ARAP3: variants seen among roughly 807,000 people sequenced by gnomAD.
ARAP3 encodes arf-GAP with Rho-GAP domain, ANK repeat and PH domain-containing protein 3.
In ARAP3, 82 loss-of-function variants were observed where a neutral mutation model predicts 169.2. The observed-to-expected ratio is 0.48, with a 90% CI of 0.41 to 0.58. The LOEUF is 0.58. ARAP3 is among the 20% of genes least tolerant of loss of function. The pLI, the probability that ARAP3 is intolerant of heterozygous loss-of-function variation, is 0.00. For missense variants in ARAP3, 1,764 were observed against 2,018.0 expected (o/e 0.87, Z 2.41); for synonymous variants, 791 against 800.3 (o/e 0.99, Z 0.20).
chr5:141,673,502 G>C, intron 5 of ARAP3, 32 bp from the exon 6 acceptor site: 1 of 1,614,150 alleles, frequency 6.2e-7, no homozygotes, highest in Non-Finnish European at 8.5e-7. Context: ...ATCAGTGTTT[G>C]AGGTTGCATG....
intron 17 of ARAP3, among the ~76,000 whole-genome samples, chr5:141,665,807 G>C (rs964957149): frequency 1.3e-5 from 2 of 151,972 alleles, no homozygotes; most frequent in African/African-American, 4.8e-5. Context: ...AAGGTGGGTG[G>C]ATCACCTGAG....
chr5:141,662,515 C>A (rs2099910092), intron 19 of ARAP3, among the ~76,000 whole-genome samples: 1 of 152,220 alleles, frequency 6.6e-6, no homozygotes, highest in African/African-American at 2.4e-5. Flanking sequence ...TTAAATAGCA[C>A]TCTCTGAAAT....
chr5:141,662,333 T>A lies in ARAP3; in HGVS notation c.2801-78A>T, dbSNP rs148649025. 4,534 of 1,371,248 alleles carry A rather than the reference T, an allele frequency of 3.3e-3. 14 individuals carry two copies. Among genetic ancestry groups the A allele is most frequent in the Non-Finnish European group, 4.2e-3 (4,106 of 972,544 alleles). The allele number at this position is 1,371,248 out of a possible 1,614,324, so 84.9% of individuals were successfully genotyped here. On this transcript the variant is annotated intron_variant, in intron 19 of 32. Transcript: ENST00000239440. ...CACCACGGCCCATCTGTGGCCTCCC[T>A]ATGTGGTATGTGGCTGATGGGGGCA...
At chr5:141,680,551 C>G (rs1165866617) in intron 1 of ARAP3, 48 bp from the exon 2 acceptor site, 7 of 1,513,688 alleles carry the variant, frequency 4.6e-6, no homozygotes, top group Middle Eastern at 1.9e-4. Flanking sequence ...GAGAATCCCC[C>G]TCTCTGCCCC....
rs2099912778 is a variant in ARAP3 at position 141,680,206 on chromosome 5, G to T, written c.281C>A (p.Pro94His). The change falls in exon 2 of 33, where the codon CCC (proline) becomes CAC (histidine). Residue 94 changes from proline to histidine, a missense_variant. Pro to His is a moderately conservative substitution (Grantham distance 77). Transcript: ENST00000239440. ...SPAPQAQPPKPVPKPRTVFGG... is the reference protein window; with the variant it reads ...SPAPQAQPPKHVPKPRTVFGG... Reference sequence around the variant, plus strand: ...AAACACGGTCCTGGGCTTCGGCACGGGCTTAGGGGGCTGGGCTTGCGGGGC... The same window carrying T: ...AAACACGGTCCTGGGCTTCGGCACGTGCTTAGGGGGCTGGGCTTGCGGGGC... 3 of 1,612,834 alleles carry T rather than the reference G, an allele frequency of 1.9e-6. No individual in the cohort carries two copies. The South Asian group carries it at 3.3e-5, about 18-fold the overall frequency.
chr5:141,656,926 TC>T, intron 25 of ARAP3, 80 bp from the exon 26 acceptor site: 1 of 1,504,196 alleles, frequency 6.6e-7, no homozygotes, highest in Non-Finnish European at 9.0e-7. Flanking sequence ...CATTCATTCA[TC>T]CATTCAACTA....
chr5:141,666,403 C>A (rs780066176), intron 17 of ARAP3, 21 bp downstream of exon 17: 3 of 1,510,914 alleles, frequency 2.0e-6, no homozygotes, highest in Non-Finnish European at 2.7e-6. Flanking sequence ...CATCCCTGTC[C>A]CCCCAAACCT....
At chr5:141,661,869 C>G in intron 20 of ARAP3, 80 bp from the exon 21 acceptor site, 2 of 1,509,430 alleles carry the variant, frequency 1.3e-6, no homozygotes, top group Non-Finnish European at 1.8e-6. Context: ...GATTTTTAGG[C>G]ACAAATGCAG....
chr5:141,666,788 C>A, intron 16 of ARAP3, 145 bp from the exon 17 acceptor site: 1 of 439,946 alleles, frequency 2.3e-6, no homozygotes, highest in Non-Finnish European at 4.0e-6. Flanking sequence ...AAAAGGGATG[C>A]GAGAGAGCAG....
In ARAP3 at chr5:141,672,391, AC is replaced by A; in HGVS notation, c.1386-91del. 6.4e-7 allele frequency: 1 copy of A among 1,554,882 alleles called. No homozygotes were observed. Among genetic ancestry groups the A allele is most frequent in the Non-Finnish European group, 8.8e-7 (1 of 1,137,910 alleles). ...TCCTGCAGGAGCCACCACAGGCCAC[AC>A]CTGGGGCAGCCCAGACCCTTCTGAC... On this transcript the variant is annotated intron_variant, in intron 9 of 32. Transcript: ENST00000239440. This position sits in a 1 kb window ranked among gnomAD's most constrained non-coding sequence, Gnocchi z 4.9.
intron 4 of ARAP3, among the ~76,000 whole-genome samples, chr5:141,679,239 A>G (rs953542601): frequency 7.9e-5 from 12 of 152,200 alleles, no homozygotes; most frequent in Non-Finnish European, 1.5e-4. Flanking sequence ...CAGTGAGCCG[A>G]GATTGTGCCA....
rs2099911532 is a variant in ARAP3 at position 141,672,124 on chromosome 5, C to T, written c.1563G>A (p.Val521=). 6.2e-7 allele frequency: 1 copy of T among 1,614,152 alleles called. No homozygotes were observed. The highest frequency in any genetic ancestry group is 8.5e-7 in the Non-Finnish European group (1 of 1,180,022). Residue 521 remains valine, a synonymous_variant, in exon 10 of 33, where the codon GTG becomes GTA. Coordinates refer to ENST00000239440, the MANE Select transcript of ARAP3 (RefSeq NM_022481.6). The surrounding 1 kb of genome is among the most constrained non-coding windows in gnomAD (Gnocchi z 4.9). ...RPDWAAVNLG[V]VICKQCAGQH... ...CACCTGCACACTGCTTGCAGATGACCACCCCCAAATTGACAGCAGCCCAAT... is the reference window on the plus strand; with the variant it reads ...CACCTGCACACTGCTTGCAGATGACTACCCCCAAATTGACAGCAGCCCAAT...
chr5:141,655,256 A>C (rs898332209), intron 32 of ARAP3, 106 bp downstream of exon 32: 3 of 1,149,068 alleles, frequency 2.6e-6, no homozygotes, highest in African/African-American at 1.6e-5. Context: ...ACACACACAC[A>C]CACCCCCTGA....
In ARAP3 at chr5:141,680,254, G is replaced by A. The variant is rs773442812; in HGVS notation, c.233C>T (p.Ala78Val). ...GGCTGGGCTGGGGGATGGTTCCATG[G>A]CACTATCTGATTTGGGATCCAGGGA... The part of the protein sequence containing the change: ...EGSLDPKSDS[A>V]MEPSPSPAPQ... The change falls in exon 2 of 33, where the codon GCC becomes GTC. Residue 78 changes from alanine to valine, a missense_variant. Ala to Val is a moderately conservative substitution (Grantham distance 64). This residue lies in a region of ARAP3 where 630 missense variants were observed against 678.7 expected (regional missense o/e 0.93). Coordinates refer to ENST00000239440, the MANE Select transcript of ARAP3 (RefSeq NM_022481.6). 9 of 1,614,050 alleles carry A rather than the reference G, an allele frequency of 5.6e-6. No homozygotes were observed. The highest frequency in any genetic ancestry group is 2.7e-5 in the African/African-American group (2 of 74,924).
In ARAP3 at chr5:141,672,264, C is replaced by T. The variant is rs1380569091; in HGVS notation, c.1423G>A (p.Ala475Thr). ...AESGGARQSW[A>T]AALQEAVTET... ...GTTACTGCTTCCTGCAGAGCGGCCGCCCAGCTCTGCCGAGCACCCCCAGAC... is the reference window on the plus strand; with the variant it reads ...GTTACTGCTTCCTGCAGAGCGGCCGTCCAGCTCTGCCGAGCACCCCCAGAC... The change falls in exon 10 of 33, where the codon GCG (alanine) becomes ACG (threonine). Residue 475 changes from alanine (A) to threonine (T), a missense_variant. Around this residue, in one of 3 missense-constraint regions of ARAP3, gnomAD observed 630 missense variants for 678.7 expected, o/e 0.93. Transcript: ENST00000239440. This position sits in a 1 kb window ranked among gnomAD's most constrained non-coding sequence, Gnocchi z 4.9. 2 of 1,614,212 alleles carry T rather than the reference C, an allele frequency of 1.2e-6. No individual in the cohort carries two copies. Among genetic ancestry groups the T allele is most frequent in the Non-Finnish European group, 8.5e-7 (1 of 1,180,036 alleles).
At chr5:141,666,724 G>A in intron 16 of ARAP3, 81 bp from the exon 17 acceptor site, 1 of 687,528 alleles carries the variant, frequency 1.5e-6, no homozygotes, top group Non-Finnish European at 2.1e-6. Context: ...GAGTGACCGG[G>A]GTAGCGAAAA....
Position 141,666,543 on chromosome 5 carries a change from C to T in ARAP3, c.2453G>A (p.Gly818Asp), listed in dbSNP as rs780927427. Residue 818 changes from glycine to aspartate, a missense_variant, in exon 17 of 33, where the codon GGT becomes GAT. This residue lies in a region of ARAP3 where 1,112 missense variants were observed against 1,285.7 expected (regional missense o/e 0.86). Transcript: ENST00000239440. ...RSPSHTAPAP[G>D]LWLSGFGLLR... ...GAGGCCAAACCCTGACAGCCAGAGA[C>T]CAGGGGCCGGGGCTGTATGGGAGGG... 1.5e-5 allele frequency: 24 copies of T among 1,595,108 alleles called. No homozygotes were observed. In the South Asian group the frequency reaches 2.7e-4, roughly 18 times the overall value.
At chr5:141,654,484 G>A (rs1371050603) in intron 32 of ARAP3, 49 bp from the exon 33 acceptor site, 5 of 1,512,200 alleles carry the variant, frequency 3.3e-6, no homozygotes, top group Non-Finnish European at 4.4e-6. Context: ...AAAGTTACCA[G>A]ATTATGAATC....
rs766312583 is a variant in ARAP3 at position 141,658,672 on chromosome 5, A to C, written c.3337-19T>G. The C allele has an allele frequency of 2.5e-6, 4 of 1,571,064 alleles. No individual in the cohort carries two copies. Among genetic ancestry groups the C allele is most frequent in the Non-Finnish European group, 3.4e-6 (4 of 1,164,614 alleles). On this transcript the variant is annotated intron_variant, in intron 23 of 32. Transcript: ENST00000239440. ...GAGACAGCTGAGGGGAGGGGTAAAAAAGTCAGAAGGGCAAAAAAAGGGTGC... is the reference window on the plus strand; with the variant it reads ...GAGACAGCTGAGGGGAGGGGTAAAACAGTCAGAAGGGCAAAAAAAGGGTGC...
Sources: gnomAD v4.1 joint callset for allele counts (sites outside exome capture counted in the v4.1 genomes callset) on GRCh38, gnomAD v4.1.1 for gene constraint, gnomAD v4.1.1 regional missense constraint, Gnocchi (gnomAD v3.1) non-coding constraint, MANE v1.5 for transcripts, NCBI Gene and HGNC (gene_info 2026-07-23, HGNC 2026-07-21) for gene names.